MSI2: variants seen among roughly 807,000 people sequenced by gnomAD.
MSI2 encodes musashi RNA binding protein 2, also known as RNA-binding protein Musashi homolog 2.
MSI2 carries 17 observed loss-of-function variants against 45.6 expected under a neutral mutation model. The ratio of observed to expected loss-of-function variants is 0.37; its 90% CI spans 0.26 to 0.56. MSI2 has a LOEUF of 0.56. MSI2 is among the 20% of genes least tolerant of loss of function. The pLI, the probability that MSI2 is intolerant of heterozygous loss-of-function variation, is 0.77. For missense variants in MSI2, 293 were observed against 444.2 expected (o/e 0.66, Z 3.06); for synonymous variants, 156 against 158.2 (o/e 0.99, Z 0.11).
intron 6 of MSI2, among the ~76,000 whole-genome samples, chr17:57,471,633 C>T (rs2085439387): frequency 1.3e-5 from 2 of 152,152 alleles, no homozygotes; most frequent in African/African-American, 4.8e-5. Context: ...TTCGTGTTTT[C>T]TCCAGATGAA....
Position 57,627,658 on chromosome 17 carries a change from A to C in MSI2, c.727+355A>C. ...CCAGGGCTTTCTTTCACCCTCTACC[A>C]CCCCTTGCCCGCCTCCCCGCTCCCT... On this transcript the variant is annotated intron_variant, in intron 10 of 13. Transcript: ENST00000284073. This position sits in a 1 kb window ranked among gnomAD's most constrained non-coding sequence, Gnocchi z 4.6. The C allele has an allele frequency of 3.3e-6, 1 of 305,322 alleles. No homozygotes were observed. Among genetic ancestry groups the C allele is most frequent in the Non-Finnish European group, 6.1e-6 (1 of 163,410 alleles). 18.9% of individuals were successfully genotyped at this position (305,322 alleles called of 1,614,324 possible).
intron 6 of MSI2, among the ~76,000 whole-genome samples, chr17:57,508,516 T>G (rs780539712): frequency 1.3e-5 from 2 of 152,226 alleles, no homozygotes; most frequent in Non-Finnish European, 2.9e-5. Flanking sequence ...TCCAAATAGC[T>G]TAAAAGATTT....
At chr17:57,434,230 G>C (rs2084651061) in intron 6 of MSI2, among the ~76,000 whole-genome samples, 1 of 152,094 alleles carries the variant, frequency 6.6e-6, no homozygotes, top group Non-Finnish European at 1.5e-5. Context: ...CTCACAAGTA[G>C]CTGGCACTAC....
chr17:57,619,194 A>G (rs560858782), intron 9 of MSI2, among the ~76,000 whole-genome samples: 1 of 152,226 alleles, frequency 6.6e-6, no homozygotes, highest in Non-Finnish European at 1.5e-5. Flanking sequence ...CCAAGCAGGG[A>G]TCCCTGAACA....
At chr17:57,377,458 C>G (rs1876860315) in intron 5 of MSI2, among the ~76,000 whole-genome samples, 1 of 152,202 alleles carries the variant, frequency 6.6e-6, no homozygotes, top group Admixed American at 6.5e-5. Flanking sequence ...GGGCTCTGCC[C>G]AGGTGAGCAG....
chr17:57,605,519 C>T (rs1356304438), intron 8 of MSI2, among the ~76,000 whole-genome samples: 1 of 152,146 alleles, frequency 6.6e-6, no homozygotes, highest in Non-Finnish European at 1.5e-5. Flanking sequence ...CCGTACTCCA[C>T]CCCCAGGGCG....
rs1598189242 is a variant in MSI2, at chr17:57,377,695, A to G, written c.313-23684A>G. On this transcript the variant is annotated intron_variant, in intron 5 of 13. Coordinates refer to ENST00000284073, the MANE Select transcript of MSI2 (RefSeq NM_138962.4). ...CTTGCTCTTCATTACTTTAAAAAAA[A>G]AAGCTAATTTGTTTTGATGAGTAGT... Among the ~76,000 whole-genome samples, 3 of 152,332 alleles carry G rather than the reference A, an allele frequency of 2.0e-5. No individual in the cohort carries two copies. In the South Asian group the frequency reaches 6.2e-4, roughly 32 times the overall value.
intron 7 of MSI2, among the ~76,000 whole-genome samples, chr17:57,547,351 C>G (rs892499766): frequency 2.6e-5 from 4 of 152,036 alleles, no homozygotes; most frequent in Admixed American, 2.0e-4. Context: ...CCCAGTGGCT[C>G]CCTGAATTAA....
intron 6 of MSI2, among the ~76,000 whole-genome samples, chr17:57,507,221 CTCTCTGTGTG>C (rs2086252241): frequency 1.0e-4 from 6 of 58,532 alleles, no homozygotes; most frequent in Non-Finnish European, 1.9e-4. Context: ...TTGTCTTTGT[CTCTCTGTGTG>C]TGTGTGTGTG....
chr17:57,666,236 C>T (rs779114325), intron 11 of MSI2, among the ~76,000 whole-genome samples: 1 of 152,228 alleles, frequency 6.6e-6, no homozygotes, highest in African/African-American at 2.4e-5. Flanking sequence ...CAAGTTAGAG[C>T]CAGATTTGGT....
chr17:57,362,899 AC>A (rs1251035839), intron 5 of MSI2, among the ~76,000 whole-genome samples: 5 of 152,224 alleles, frequency 3.3e-5, no homozygotes, highest in Non-Finnish European at 7.3e-5. Context: ...TGGAACCCTT[AC>A]GTGTTGCTGA....
At chr17:57,307,134 T>G (rs1296388608) in intron 5 of MSI2, among the ~76,000 whole-genome samples, 1 of 152,242 alleles carries the variant, frequency 6.6e-6, no homozygotes, top group Non-Finnish European at 1.5e-5. Flanking sequence ...TAACACTCTG[T>G]GCAACCCCCT....
At chr17:57,292,905 G>A (rs1040654171) in intron 5 of MSI2, among the ~76,000 whole-genome samples, 3 of 152,078 alleles carry the variant, frequency 2.0e-5, no homozygotes, top group Non-Finnish European at 2.9e-5. Flanking sequence ...AAGAAAACCC[G>A]CTAGACGAAA....
intron 5 of MSI2, among the ~76,000 whole-genome samples, chr17:57,275,785 T>G (rs951471883): frequency 3.3e-5 from 5 of 152,138 alleles, no homozygotes; most frequent in African/African-American, 1.2e-4. Context: ...TAGCAGTAGA[T>G]TACATTGACT....
At chr17:57,472,120 T>A (rs1166521705) in intron 6 of MSI2, among the ~76,000 whole-genome samples, 1 of 152,198 alleles carries the variant, frequency 6.6e-6, no homozygotes, top group Non-Finnish European at 1.5e-5. Flanking sequence ...GGTTCCTGCC[T>A]GTGAGTGGGC....
At chr17:57,543,277 G>T (rs764849098) in intron 7 of MSI2, among the ~76,000 whole-genome samples, 1 of 152,068 alleles carries the variant, frequency 6.6e-6, no homozygotes, top group African/African-American at 2.4e-5. Flanking sequence ...TGGCTTAAGA[G>T]GGGGGGAAAA....
At chr17:57,617,669 G>A (rs1907851839) in intron 9 of MSI2, among the ~76,000 whole-genome samples, 1 of 152,156 alleles carries the variant, frequency 6.6e-6, no homozygotes, top group South Asian at 2.1e-4. Flanking sequence ...TGAGCTGAGT[G>A]CAGTGGTGCT....
chr17:57,525,280 GCAGGT>G lies in MSI2; in HGVS notation c.406-4395_406-4391del, dbSNP rs879372676. Among the ~76,000 whole-genome samples the G allele has an allele frequency of 3.5e-3, 533 of 151,250 alleles. 1 individual carries two copies. Among genetic ancestry groups the G allele is most frequent in the Non-Finnish European group, 5.6e-3 (378 of 67,362 alleles). On this transcript the variant is annotated intron_variant, in intron 6 of 13. Transcript: ENST00000284073. ...ACTTTACTTTGCTTTTTTGGGGGGG[GCAGGT>G]GGGGGAGGTTGTGTTTTGAGACAGG...
chr17:57,504,943 A>G (rs977060057), intron 6 of MSI2, among the ~76,000 whole-genome samples: 8 of 151,932 alleles, frequency 5.3e-5, no homozygotes, highest in Non-Finnish European at 8.8e-5. Context: ...AAAAAAAAAA[A>G]AAGAAGAAAA....
Sources: allele counts gnomAD v4.1 joint callset (sites outside exome capture counted in the v4.1 genomes callset), GRCh38; gene constraint gnomAD v4.1.1; non-coding constraint Gnocchi (gnomAD v3.1); transcripts MANE v1.5; gene names NCBI Gene and HGNC (gene_info 2026-07-23, HGNC 2026-07-21).